The following GLIS3 variants were observed in gnomAD, a reference collection of about 807,000 sequenced individuals.
GLIS3 encodes the protein zinc finger protein GLIS3.
In GLIS3, 53 loss-of-function variants were observed where a neutral mutation model predicts 78.6. The ratio of observed to expected loss-of-function variants is 0.67; its 90% CI spans 0.54 to 0.85. The LOEUF is 0.85. GLIS3 is among the 40% of genes least tolerant of loss of function. The pLI is 0.00. For missense variants in GLIS3, 1,703 were observed against 1,231.1 expected (o/e 1.38, Z -5.74); for synonymous variants, 684 against 509.9 (o/e 1.34, Z -4.60).
intron 2 of GLIS3, among the ~76,000 whole-genome samples, chr9:4,283,523 C>T (rs1229239745): frequency 6.6e-6 from 1 of 152,114 alleles, no homozygotes. Context: ...GCCTTGGCCT[C>T]CCAAACTGCT....
the GLIS3 span, among the ~76,000 whole-genome samples, chr9:4,366,357 TC>T: frequency 6.6e-6 from 1 of 152,076 alleles, no homozygotes; most frequent in Admixed American, 6.6e-5. Context: ...TTCAAGCGAA[TC>T]CAAGGCAACG....
At chr9:4,460,218 T>G in the GLIS3 span, among the ~76,000 whole-genome samples, 1 of 151,980 alleles carries the variant, frequency 6.6e-6, no homozygotes, top group Non-Finnish European at 1.5e-5. Context: ...TAAATGTGGA[T>G]GGAGAAAGGG....
At chr9:4,467,099 T>C in the GLIS3 span, among the ~76,000 whole-genome samples, 59 of 152,300 alleles carry the variant, frequency 3.9e-4, no homozygotes, top group African/African-American at 1.3e-3. Flanking sequence ...CATCTGCCAT[T>C]GCTGACGCTT....
intron 2 of GLIS3, among the ~76,000 whole-genome samples, chr9:4,141,129 G>A (rs989026448): frequency 6.6e-6 from 1 of 152,112 alleles, no homozygotes; most frequent in East Asian, 1.9e-4. Flanking sequence ...GTCTTGTGTA[G>A]AAATCTAAAT....
chr9:4,368,376 GCT>G, the GLIS3 span, among the ~76,000 whole-genome samples: 2 of 145,294 alleles, frequency 1.4e-5, no homozygotes, highest in Non-Finnish European at 3.0e-5. Flanking sequence ...TCTGAGTCTC[GCT>G]CTGTCACCCA....
chr9:4,466,297 T>G, the GLIS3 span, among the ~76,000 whole-genome samples: 2 of 152,116 alleles, frequency 1.3e-5, no homozygotes, highest in Non-Finnish European at 2.9e-5. Context: ...ATAAAAGAAA[T>G]TAAATTCATA....
At chr9:3,831,492 A>G (rs1328862010) in intron 9 of GLIS3, among the ~76,000 whole-genome samples, 1 of 152,252 alleles carries the variant, frequency 6.6e-6, no homozygotes, top group East Asian at 1.9e-4. Context: ...GTGAATGAAG[A>G]AGGCATTTCT....
chr9:3,873,817 TC>T (rs1485509689), intron 8 of GLIS3, among the ~76,000 whole-genome samples: 2 of 130,012 alleles, frequency 1.5e-5, no homozygotes, highest in Non-Finnish European at 3.2e-5. Context: ...GAGGAAGCCT[TC>T]CCAATACTCC....
At chr9:4,160,715 A>G (rs1464748218) in intron 2 of GLIS3, among the ~76,000 whole-genome samples, 1 of 152,236 alleles carries the variant, frequency 6.6e-6, no homozygotes. Flanking sequence ...ACAAATAATA[A>G]TGTAATTCTA....
chr9:4,170,519 G>C (rs1047321588), intron 2 of GLIS3, among the ~76,000 whole-genome samples: 1 of 152,200 alleles, frequency 6.6e-6, no homozygotes, highest in East Asian at 1.9e-4. Context: ...GTGTATGGAA[G>C]TGAGACAGTC....
At chr9:4,372,846 G>A in the GLIS3 span, among the ~76,000 whole-genome samples, 1 of 152,110 alleles carries the variant, frequency 6.6e-6, no homozygotes, top group Non-Finnish European at 1.5e-5. Context: ...CTGCCACTTT[G>A]GCAGGTATTA....
At chr9:4,353,127 C>T (rs986170809), upstream of GLIS3, among the ~76,000 whole-genome samples, 2 of 152,040 alleles carry the variant, frequency 1.3e-5, no homozygotes, top group African/African-American at 4.8e-5. Flanking sequence ...ACAACTTGAC[C>T]GAAATTTCTG....
intron 4 of GLIS3, among the ~76,000 whole-genome samples, chr9:3,964,545 G>A (rs578050574): frequency 2.0e-5 from 3 of 152,258 alleles, no homozygotes; most frequent in South Asian, 2.1e-4. Context: ...CTGATGTTCT[G>A]AAGATGACTA....
chr9:3,901,586 G>A (rs979199650), intron 6 of GLIS3, among the ~76,000 whole-genome samples: 3 of 152,180 alleles, frequency 2.0e-5, no homozygotes, highest in Admixed American at 2.0e-4. Context: ...TTACTGTTTA[G>A]AGAGAAGTAT....
chr9:3,963,540 G>T (rs945796598), intron 4 of GLIS3, among the ~76,000 whole-genome samples: 38 of 152,144 alleles, frequency 2.5e-4, no homozygotes, highest in Admixed American at 2.5e-3. Flanking sequence ...TAGTGACTCA[G>T]CCAGAGTAAA....
At chr9:3,931,271 C>A (rs1825592485) in intron 6 of GLIS3, among the ~76,000 whole-genome samples, 1 of 151,970 alleles carries the variant, frequency 6.6e-6, no homozygotes, top group African/African-American at 2.4e-5. Flanking sequence ...ATTGTGCTAA[C>A]ACTTCTCAAG....
chr9:4,443,481 A>T, the GLIS3 span, among the ~76,000 whole-genome samples: 1 of 152,250 alleles, frequency 6.6e-6, no homozygotes, highest in East Asian at 1.9e-4. Context: ...GTTGACTAGC[A>T]GAAAAATAAA....
intron 3 of GLIS3, among the ~76,000 whole-genome samples, chr9:4,119,729 C>T (rs1832038814): frequency 6.6e-6 from 1 of 152,198 alleles, no homozygotes; most frequent in Non-Finnish European, 1.5e-5. Flanking sequence ...AATTCCTCTC[C>T]TATTCTTCTT....
At chr9:4,333,354 G>A (rs1007780147) in intron 2 of GLIS3, among the ~76,000 whole-genome samples, 1 of 151,608 alleles carries the variant, frequency 6.6e-6, no homozygotes, top group Admixed American at 6.6e-5. Flanking sequence ...AAAAGGGAAG[G>A]AAGGAAGGAA....
Sources: allele counts gnomAD v4.1 joint callset (sites outside exome capture counted in the v4.1 genomes callset), GRCh38; gene constraint gnomAD v4.1.1; transcripts MANE v1.5; gene names NCBI Gene and HGNC (gene_info 2026-07-23, HGNC 2026-07-21).